The following DNAJC17 variants were observed in gnomAD, a reference collection of about 807,000 sequenced individuals.
DNAJC17 encodes DnaJ heat shock protein family (Hsp40) member C17, also known as dnaJ homolog subfamily C member 17.
Under a neutral mutation model 48.1 loss-of-function variants are expected in DNAJC17, and 35 were observed. The ratio of observed to expected loss-of-function variants is 0.73; its 90% CI spans 0.56 to 0.96. DNAJC17 has a LOEUF of 0.96. Ranked by LOEUF, DNAJC17 falls within the 50% of genes least tolerant of loss-of-function variation. The probability of loss-of-function intolerance (pLI) is 0.00; values close to 1 mark genes in which losing one functional copy is unlikely to be tolerated. For missense variants in DNAJC17, 355 were observed against 377.1 expected (o/e 0.94, Z 0.48); for synonymous variants, 117 against 142.7 (o/e 0.82, Z 1.28).
At chr15:40,792,957 G>A (rs1051029751) in intron 1 of DNAJC17, among the ~76,000 whole-genome samples, 7 of 140,248 alleles carry the variant, frequency 5.0e-5, no homozygotes, top group African/African-American at 8.2e-5. Context: ...TGCATGGCAC[G>A]ATCTCAGCTC....
intron 1 of DNAJC17, chr15:40,807,143 A>G: frequency 3.5e-6 from 4 of 1,129,334 alleles, no homozygotes; most frequent in Non-Finnish European, 4.9e-6. Flanking sequence ...CGGGGAGAGC[A>G]CAGCCACCCG....
At chr15:40,777,644 G>A (rs1275306143) in intron 4 of DNAJC17, among the ~76,000 whole-genome samples, 2 of 151,988 alleles carry the variant, frequency 1.3e-5, no homozygotes, top group Admixed American at 1.3e-4. Flanking sequence ...CTTGAACCCA[G>A]GAGGCAGAGG....
chr15:40,779,864 A>C (rs1889432545), intron 2 of DNAJC17, 64 bp downstream of exon 2: 7 of 1,547,832 alleles, frequency 4.5e-6, no homozygotes, highest in Non-Finnish European at 5.3e-6. Context: ...CAGAGCTTAC[A>C]TCGGGAAACA....
At chr15:40,806,141 C>T (rs11070295) in intron 1 of DNAJC17, among the ~76,000 whole-genome samples, 44,184 of 151,544 alleles carry the variant, frequency 0.29, 7,269 homozygotes, top group South Asian at 0.45. Context: ...CCAGAGCTTC[C>T]TCTTCTCAAA....
chr15:40,767,415 A>G lies in DNAJC17; in HGVS notation c.*525T>C. The stretch of plus-strand genomic sequence containing the variant: ...GGGCTGCTGTGGGCCCTGACCTCCA[A>G]GCTCCTGCCTCACCGTCTGCCTTGC... On this transcript the variant is annotated 3_prime_UTR_variant, in exon 11 of 11. Transcript: ENST00000220496. 1 of 1,492,766 alleles carries G rather than the reference A, an allele frequency of 6.7e-7. No individual in the cohort carries two copies. The highest frequency in any genetic ancestry group is 9.0e-7 in the Non-Finnish European group (1 of 1,115,014). The allele number at this position is 1,492,766 out of a possible 1,614,324, so 92.5% of individuals were successfully genotyped here.
rs1889257788 is a variant in DNAJC17, at chr15:40,774,442, G to A, written c.601-6C>T. ...AGGTTGAGAACCTCACCATACTGTGGGGACAAAGGGGTCCTAATAAGCATG... is the reference window on the plus strand; with the variant it reads ...AGGTTGAGAACCTCACCATACTGTGAGGACAAAGGGGTCCTAATAAGCATG... On this transcript the variant is annotated splice_region_variant and splice_polypyrimidine_tract_variant and intron_variant, in intron 8 of 10. Transcript: ENST00000220496. 6.2e-7 allele frequency: 1 copy of A among 1,613,882 alleles called. No homozygotes were observed. Among genetic ancestry groups the A allele is most frequent in the East Asian group, 2.2e-5 (1 of 44,888 alleles).
At chr15:40,807,333 C>T (rs776040781) in intron 1 of DNAJC17, 36 bp downstream of exon 1, 6 of 1,614,158 alleles carry the variant, frequency 3.7e-6, no homozygotes, top group Non-Finnish European at 5.1e-6. Context: ...GACCGCCAGA[C>T]CTCTCAAGAT....
At chr15:40,786,811 CT>C (rs1397905205) in intron 1 of DNAJC17, among the ~76,000 whole-genome samples, 1 of 152,212 alleles carries the variant, frequency 6.6e-6, no homozygotes, top group Non-Finnish European at 1.5e-5. Flanking sequence ...TCCGTGAGTA[CT>C]TCGAACTGCA....
chr15:40,773,905 C>G (rs1889237951), intron 9 of DNAJC17, 68 bp from the exon 10 acceptor site: 2 of 1,379,524 alleles, frequency 1.4e-6, no homozygotes, highest in East Asian at 2.5e-5. Context: ...TCTCTACCCC[C>G]ACAGAGAGAA....
intron 1 of DNAJC17, among the ~76,000 whole-genome samples, chr15:40,789,469 C>T (rs1217813782): frequency 6.6e-6 from 1 of 151,972 alleles, no homozygotes; most frequent in African/African-American, 2.4e-5. Context: ...CTCTCTGGCC[C>T]ACCTCCTCCC....
chr15:40,792,502 G>T (rs1046113736), intron 1 of DNAJC17: 2 of 985,288 alleles, frequency 2.0e-6, no homozygotes, highest in Non-Finnish European at 2.4e-6. Context: ...CAAATGAAAG[G>T]TAAGGCTGCT....
At position 40,767,205 on chromosome 15, in the gene DNAJC17, C is replaced by G. The variant is rs374710519; in HGVS notation, c.*735G>C. 4.7e-6 allele frequency: 7 copies of G among 1,485,756 alleles called. No homozygotes were observed. The African/African-American group carries it at 1.0e-4, about 21-fold the overall frequency. The allele number at this position is 1,485,756 out of a possible 1,614,324, so 92.0% of individuals were successfully genotyped here. ...CTTGCTGTGTGCCCCTCCTCACCCC[C>G]CCCATCCTGTCTCTTTGCAGTTATG... On this transcript the variant is annotated 3_prime_UTR_variant, in exon 11 of 11. Transcript: ENST00000220496.
rs1889091080 is a variant in DNAJC17, at chr15:40,770,266, C to T, written c.793-2204G>A. The T allele has an allele frequency of 1.8e-6, 1 of 568,950 alleles. No homozygotes were observed. Among genetic ancestry groups the T allele is most frequent in the African/African-American group, 1.9e-5 (1 of 53,430 alleles). 35.2% of individuals were successfully genotyped at this position (568,950 alleles called of 1,614,324 possible). ...AGGCCACTCCTGTCCCTGTGGGAAA[C>T]TCTTGCTGCCAGGAACTCCCAGCTG... On this transcript the variant is annotated intron_variant, in intron 10 of 10. Coordinates refer to ENST00000220496, the MANE Select transcript of DNAJC17 (RefSeq NM_018163.3). The surrounding 1 kb of genome is among the most constrained non-coding windows in gnomAD (Gnocchi z 5.0).
intron 1 of DNAJC17, among the ~76,000 whole-genome samples, chr15:40,796,966 C>T (rs1239627116): frequency 1.3e-5 from 2 of 152,128 alleles, no homozygotes; most frequent in East Asian, 3.9e-4. Context: ...AGGGTTTTGC[C>T]GTGTTGCTCA....
chr15:40,787,674 C>G (rs1052259457), intron 1 of DNAJC17, among the ~76,000 whole-genome samples: 21 of 152,178 alleles, frequency 1.4e-4, no homozygotes, highest in African/African-American at 5.1e-4. Flanking sequence ...TTTCAGCAAC[C>G]TGAACCCAGA....
chr15:40,790,538 CACTG>C (rs1889773008), intron 1 of DNAJC17, among the ~76,000 whole-genome samples: 1 of 152,136 alleles, frequency 6.6e-6, no homozygotes, highest in African/African-American at 2.4e-5. Flanking sequence ...AAGATCGTGC[CACTG>C]CACTCCAGCC....
intron 4 of DNAJC17, 142 bp from the exon 5 acceptor site, chr15:40,776,769 C>G (rs867473936): frequency 1.8e-5 from 13 of 728,662 alleles, no homozygotes; most frequent in Non-Finnish European, 2.3e-6. Flanking sequence ...TCCATGCCCA[C>G]GCCCCCGAGT....
intron 1 of DNAJC17, among the ~76,000 whole-genome samples, chr15:40,801,726 A>G (rs1288445757): frequency 2.1e-5 from 3 of 146,074 alleles, no homozygotes; most frequent in Non-Finnish European, 4.5e-5. Flanking sequence ...TGACAGAGCG[A>G]GACTCCGTCT....
chr15:40,776,764 GC>G, intron 4 of DNAJC17, 137 bp from the exon 5 acceptor site: 1 of 765,010 alleles, frequency 1.3e-6, no homozygotes, highest in Non-Finnish European at 2.2e-6. Flanking sequence ...CTCCCTCCAT[GC>G]CCACGCCCCC....
Sources: allele counts gnomAD v4.1 joint callset (sites outside exome capture counted in the v4.1 genomes callset), GRCh38; gene constraint gnomAD v4.1.1; non-coding constraint Gnocchi (gnomAD v3.1); transcripts MANE v1.5; gene names NCBI Gene and HGNC (gene_info 2026-07-23, HGNC 2026-07-21).